The following NTN4 variants were observed in gnomAD, a reference collection of about 807,000 sequenced individuals.
NTN4 encodes netrin 4.
Under a neutral mutation model 73.6 loss-of-function variants are expected in NTN4, and 32 were observed. The ratio of observed to expected loss-of-function variants is 0.44; its 90% CI spans 0.33 to 0.58. The LOEUF is 0.58. Ranked by LOEUF, NTN4 falls within the 20% of genes least tolerant of loss-of-function variation. NTN4 has a pLI of 0.04. For synonymous variants in NTN4, 258 were observed against 287.5 expected, an observed-to-expected ratio of 0.90 and a Z score of 1.04; for missense variants, 654 against 798.3, an observed-to-expected ratio of 0.82 and a Z score of 2.18.
intron 5 of NTN4, among the ~76,000 whole-genome samples, chr12:95,703,615 T>G (rs1160077184): frequency 6.6e-6 from 1 of 152,192 alleles, no homozygotes; most frequent in African/African-American, 2.4e-5. Context: ...ATTTCCTAAA[T>G]TTGAAGGCCA....
intron 3 of NTN4, among the ~76,000 whole-genome samples, chr12:95,722,111 C>T (rs1319230396): frequency 1.4e-5 from 2 of 142,372 alleles, no homozygotes; most frequent in Non-Finnish European, 3.0e-5. Context: ...AGAACTAAGA[C>T]CTAAAGTCAA....
At chr12:95,726,923 T>C (rs768974212) in intron 3 of NTN4, among the ~76,000 whole-genome samples, 2 of 151,942 alleles carry the variant, frequency 1.3e-5, no homozygotes, top group Non-Finnish European at 2.9e-5. Context: ...TGAGTGGAGA[T>C]TGCGCCACTG....
chr12:95,764,698 A>AAAAAGCACC (rs2079009347), intron 2 of NTN4, among the ~76,000 whole-genome samples: 1 of 151,976 alleles, frequency 6.6e-6, no homozygotes, highest in Non-Finnish European at 1.5e-5. Flanking sequence ...AAAAAAGCTA[A>AAAAAGCACC]AAAAGCACCA....
At chr12:95,681,256 T>C (rs566281888) in intron 7 of NTN4, among the ~76,000 whole-genome samples, 3 of 150,784 alleles carry the variant, frequency 2.0e-5, no homozygotes, top group Admixed American at 1.3e-4. Flanking sequence ...AATATATATA[T>C]AGGTAATAAA....
At chr12:95,747,199 A>T (rs574424279) in intron 2 of NTN4, among the ~76,000 whole-genome samples, 116 of 152,358 alleles carry the variant, frequency 7.6e-4, no homozygotes, top group African/African-American at 2.6e-3. Context: ...AAATATAAGC[A>T]TCTAAACTTT....
At chr12:95,674,267 A>T (rs1433167265) in intron 7 of NTN4, among the ~76,000 whole-genome samples, 1 of 152,186 alleles carries the variant, frequency 6.6e-6, no homozygotes, top group African/African-American at 2.4e-5. Flanking sequence ...ATAAAACCTA[A>T]TGGAACTCCA....
chr12:95,761,043 G>A (rs7959322), intron 2 of NTN4, among the ~76,000 whole-genome samples: 85,032 of 151,960 alleles, frequency 0.56, 24,031 homozygotes, highest in East Asian at 0.68. Context: ...GGAGGTATGC[G>A]CAGCATATAA....
At chr12:95,755,278 G>A (rs1223322493) in intron 2 of NTN4, among the ~76,000 whole-genome samples, 1 of 152,214 alleles carries the variant, frequency 6.6e-6, no homozygotes, top group Non-Finnish European at 1.5e-5. Flanking sequence ...TGTCAGATGA[G>A]GACATGTATC....
At chr12:95,704,866 G>A (rs943846485) in intron 5 of NTN4, among the ~76,000 whole-genome samples, 9 of 152,148 alleles carry the variant, frequency 5.9e-5, no homozygotes, top group Admixed American at 2.0e-4. Context: ...GAGCTGTCTG[G>A]AGAGGGAAAG....
chr12:95,712,499 G>A (rs952661450), intron 4 of NTN4, among the ~76,000 whole-genome samples: 1 of 152,164 alleles, frequency 6.6e-6, no homozygotes, highest in Non-Finnish European at 1.5e-5. Context: ...GCTTTATTGG[G>A]TAGTTTTGAG....
intron 2 of NTN4, among the ~76,000 whole-genome samples, chr12:95,751,643 G>A (rs1285852349): frequency 6.6e-6 from 1 of 152,088 alleles, no homozygotes. Flanking sequence ...CGGCTTAGCG[G>A]CTGAAGACCG....
intron 2 of NTN4, among the ~76,000 whole-genome samples, chr12:95,755,922 A>T (rs1048605105): frequency 2.0e-5 from 3 of 152,240 alleles, no homozygotes; most frequent in African/African-American, 2.4e-5. Flanking sequence ...TCTTCAATAC[A>T]TGTGGAATCC....
intron 5 of NTN4, among the ~76,000 whole-genome samples, chr12:95,698,856 C>CA (rs34600316): frequency 0.42 from 61,937 of 147,618 alleles, 14,174 homozygotes; most frequent in Non-Finnish European, 0.53. Context: ...GACTCTGCCT[C>CA]AAAAAAAAAA....
intron 3 of NTN4, among the ~76,000 whole-genome samples, chr12:95,735,240 T>C (rs2078767381): frequency 9.0e-6 from 1 of 110,734 alleles, no homozygotes; most frequent in Admixed American, 9.3e-5. Context: ...TTCTTTTTTC[T>C]TCTTTTTTCT....
intron 2 of NTN4, among the ~76,000 whole-genome samples, chr12:95,756,592 A>C (rs551714993): frequency 2.0e-5 from 3 of 151,908 alleles, no homozygotes; most frequent in Non-Finnish European, 4.4e-5. Context: ...TGATCACCTC[A>C]ATTTCCTATC....
At chr12:95,731,158 G>A (rs535443476) in intron 3 of NTN4, among the ~76,000 whole-genome samples, 17 of 152,320 alleles carry the variant, frequency 1.1e-4, no homozygotes, top group Admixed American at 9.2e-4. Flanking sequence ...AATTTCTGGT[G>A]ACATTGAAAT....
intron 8 of NTN4, among the ~76,000 whole-genome samples, chr12:95,669,560 A>G (rs2078210924): frequency 1.3e-5 from 2 of 149,872 alleles, no homozygotes; most frequent in Admixed American, 1.3e-4. Context: ...CATGATCCCT[A>G]TTTTACAGAT....
chr12:95,772,782 CT>C (rs1165023323), intron 2 of NTN4, among the ~76,000 whole-genome samples: 2 of 152,308 alleles, frequency 1.3e-5, no homozygotes, highest in East Asian at 3.9e-4. Context: ...AATTCAACCA[CT>C]TTTCACCATT....
At chr12:95,690,543 T>C (rs1370789165) in intron 5 of NTN4, among the ~76,000 whole-genome samples, 1 of 152,202 alleles carries the variant, frequency 6.6e-6, no homozygotes, top group Admixed American at 6.5e-5. Flanking sequence ...TATGAGAACA[T>C]TTAGGCATTT....
Sources: allele counts gnomAD v4.1 joint callset (sites outside exome capture counted in the v4.1 genomes callset), GRCh38; gene constraint gnomAD v4.1.1; transcripts MANE v1.5; gene names NCBI Gene and HGNC (gene_info 2026-07-23, HGNC 2026-07-21).